Variants in NELL2 observed in about 807,000 individuals in gnomAD.
The protein encoded by NELL2 is protein kinase C-binding protein NELL2.
Under a neutral mutation model 109.6 loss-of-function variants are expected in NELL2, and 41 were observed. The observed-to-expected ratio is 0.37, with a 90% CI of 0.29 to 0.49. The LOEUF (loss-of-function observed/expected upper bound fraction) is 0.49. Among genes scored for constraint, NELL2 ranks in the 20% least tolerant of loss-of-function variants. NELL2 has a pLI of 0.98. For missense variants in NELL2, 900 were observed against 1,008.3 expected (o/e 0.89, Z 1.45); for synonymous variants, 355 against 344.7 (o/e 1.03, Z -0.33).
chr12:44,820,717 G>A (rs1361844738), intron 2 of NELL2, among the ~76,000 whole-genome samples: 2 of 152,072 alleles, frequency 1.3e-5, no homozygotes, highest in Admixed American at 1.3e-4. Context: ...TGACTCCAAT[G>A]TTTCCAGCTG....
chr12:44,907,380 A>G (rs1945731510), intron 1 of NELL2, among the ~76,000 whole-genome samples: 1 of 152,142 alleles, frequency 6.6e-6, no homozygotes, highest in Non-Finnish European at 1.5e-5. Context: ...ACTGAGAACA[A>G]TAAGCTAGTA....
intron 2 of NELL2, among the ~76,000 whole-genome samples, chr12:44,825,811 C>T (rs573670376): frequency 7.9e-5 from 12 of 151,270 alleles, no homozygotes; most frequent in African/African-American, 2.7e-4. Flanking sequence ...TTTGGGAGGC[C>T]GAGGCGAGTG....
At chr12:44,511,271 T>G (rs1046640103) in intron 19 of NELL2, among the ~76,000 whole-genome samples, 2 of 152,196 alleles carry the variant, frequency 1.3e-5, no homozygotes, top group African/African-American at 4.8e-5. Flanking sequence ...GTTTTACTGA[T>G]AGCATAGTTT....
chr12:44,845,271 C>T (rs1944337946), intron 2 of NELL2, among the ~76,000 whole-genome samples: 1 of 152,176 alleles, frequency 6.6e-6, no homozygotes, highest in Non-Finnish European at 1.5e-5. Context: ...TGCCCATTAA[C>T]TGAGTATAGC....
At chr12:44,680,775 C>A (rs769632708) in intron 12 of NELL2, among the ~76,000 whole-genome samples, 1 of 152,146 alleles carries the variant, frequency 6.6e-6, no homozygotes, top group East Asian at 1.9e-4. Context: ...CTCTCACATT[C>A]ATTTAACTTG....
chr12:44,794,700 T>A (rs1437841670), intron 3 of NELL2, among the ~76,000 whole-genome samples: 1 of 152,156 alleles, frequency 6.6e-6, no homozygotes, highest in African/African-American at 2.4e-5. Flanking sequence ...AAATTATGAC[T>A]ACCGGGAAAA....
chr12:44,839,176 T>C lies in NELL2; in HGVS notation c.185-23040A>G, dbSNP rs73279145. Among the ~76,000 whole-genome samples, 656 of 152,350 alleles carry C rather than the reference T, an allele frequency of 4.3e-3. 4 individuals carry two copies. The highest frequency in any genetic ancestry group is 0.014 in the African/African-American group (602 of 41,570). On this transcript the variant is annotated intron_variant, in intron 2 of 19. Coordinates refer to ENST00000429094, the MANE Select transcript of NELL2 (RefSeq NM_001145108.2). ...GTATACTATCTGTGAAAGACTGTTA[T>C]GTGCCATTGTACTAATTATGCTTCT...
chr12:44,853,506 C>G (rs948677328), intron 2 of NELL2, among the ~76,000 whole-genome samples: 2 of 152,020 alleles, frequency 1.3e-5, no homozygotes, highest in Admixed American at 6.6e-5. Flanking sequence ...ATTTCTTCTC[C>G]TAGAGTGAAA....
chr12:44,633,101 T>C (rs1031126380), intron 13 of NELL2, among the ~76,000 whole-genome samples: 3 of 151,782 alleles, frequency 2.0e-5, no homozygotes, highest in Non-Finnish European at 2.9e-5. Flanking sequence ...CAACATGTAG[T>C]TAGGCAAAAG....
chr12:44,650,584 C>T (rs578153212), intron 13 of NELL2, among the ~76,000 whole-genome samples: 287 of 152,166 alleles, frequency 1.9e-3, no homozygotes, highest in African/African-American at 6.6e-3. Context: ...TGTAAACTAC[C>T]GTGCCTGGCC....
Position 44,618,888 on chromosome 12 carries a change from G to A in NELL2, c.1445-7918C>T, listed in dbSNP as rs189136079. Among the ~76,000 whole-genome samples the A allele has an allele frequency of 1.6e-3, 250 of 152,218 alleles. No homozygotes were observed. In the Middle Eastern group the frequency reaches 0.02, roughly 12 times the overall value. On this transcript the variant is annotated intron_variant, in intron 13 of 19. Transcript: ENST00000429094. The stretch of plus-strand genomic sequence containing the variant: ...TTATCCTCTTTAGTCTTCATAAAAG[G>A]CCTGTTCGGGTAGGTATTAGTTTTA...
At chr12:44,917,714 C>T (rs1257988802), upstream of NELL2, among the ~76,000 whole-genome samples, 1 of 152,078 alleles carries the variant, frequency 6.6e-6, no homozygotes, top group Non-Finnish European at 1.5e-5. Context: ...CTGGGTGGGC[C>T]CTTAAAAGAG....
At chr12:44,901,477 G>T (rs1945660168) in intron 1 of NELL2, among the ~76,000 whole-genome samples, 1 of 152,140 alleles carries the variant, frequency 6.6e-6, no homozygotes, top group African/African-American at 2.4e-5. Flanking sequence ...GGTACAAAAA[G>T]GAGCTGGTAC....
At chr12:44,611,591 T>C (rs757802704) in intron 13 of NELL2, among the ~76,000 whole-genome samples, 2 of 152,092 alleles carry the variant, frequency 1.3e-5, no homozygotes, top group Non-Finnish European at 2.9e-5. Context: ...CTTTAGAATA[T>C]GTAATCAATA....
At chr12:44,671,652 T>C (rs2601012) in intron 12 of NELL2, among the ~76,000 whole-genome samples, 1 of 152,104 alleles carries the variant, frequency 6.6e-6, no homozygotes, top group Non-Finnish European at 1.5e-5. Flanking sequence ...TGTTAATAAA[T>C]TTAAAAACTT....
At chr12:44,919,520 C>T (rs1003487441) in intron 1 of NELL2, among the ~76,000 whole-genome samples, 1 of 152,114 alleles carries the variant, frequency 6.6e-6, no homozygotes. Flanking sequence ...ATGTGGTCAT[C>T]AGGGTGAGCC....
chr12:44,822,368 T>C lies in NELL2; in HGVS notation c.185-6232A>G, dbSNP rs1443006376. On this transcript the variant is annotated intron_variant, in intron 2 of 19. Coordinates refer to ENST00000429094, the MANE Select transcript of NELL2 (RefSeq NM_001145108.2). ...TCTGAGCTTACTTTCATTCTAAGTA[T>C]CCCAAACTCAGCCACAAAATATCAG... Among the ~76,000 whole-genome samples the C allele has an allele frequency of 3.3e-5, 5 of 152,344 alleles. No homozygotes were observed. The East Asian group carries it at 7.7e-4, about 23-fold the overall frequency.
chr12:44,787,905 T>C (rs1424099420), intron 3 of NELL2, among the ~76,000 whole-genome samples: 2 of 152,054 alleles, frequency 1.3e-5, no homozygotes, highest in African/African-American at 2.4e-5. Context: ...ACACAATGAG[T>C]TCTTAGAGTT....
chr12:44,514,195 A>G (rs1217579368), intron 19 of NELL2, among the ~76,000 whole-genome samples: 1 of 151,942 alleles, frequency 6.6e-6, no homozygotes, highest in East Asian at 1.9e-4. Context: ...TTCAAATATA[A>G]AGACACTTTC....
Sources: allele counts gnomAD v4.1 joint callset (sites outside exome capture counted in the v4.1 genomes callset), GRCh38; gene constraint gnomAD v4.1.1; transcripts MANE v1.5; gene names NCBI Gene and HGNC (gene_info 2026-07-23, HGNC 2026-07-21).